PPRC1: variants seen among roughly 807,000 people sequenced by gnomAD.
The protein encoded by PPRC1 is PPARG related coactivator 1.
PPRC1 carries 23 observed loss-of-function variants against 132.5 expected under a neutral mutation model. The observed-to-expected ratio is 0.17, with a 90% CI of 0.12 to 0.25. The LOEUF (loss-of-function observed/expected upper bound fraction) is 0.25, where lower values mean the gene tolerates loss of function less well. Among genes scored for constraint, PPRC1 ranks in the 10% least tolerant of loss-of-function variants. The pLI, the probability that PPRC1 is intolerant of heterozygous loss-of-function variation, is 1.00. For missense variants in PPRC1, 2,006 were observed against 2,089.1 expected, an observed-to-expected ratio of 0.96 and a Z score of 0.78; for synonymous variants, 872 against 833.5, an observed-to-expected ratio of 1.05 and a Z score of -0.80.
chr10:102,137,706 C>T, intron 1 of PPRC1, 144 bp from the exon 2 acceptor site: 1 of 719,538 alleles, frequency 1.4e-6, no homozygotes, highest in Non-Finnish European at 2.2e-6. Flanking sequence ...TTGTGCTTCT[C>T]TCTGCTCTGC....
intron 6 of PPRC1, 29 bp downstream of exon 6, chr10:102,143,127 ACT>A: frequency 1.2e-6 from 2 of 1,600,084 alleles, no homozygotes; most frequent in Non-Finnish European, 1.7e-6. Flanking sequence ...TTTTGCTCCA[ACT>A]CTTTTTTTGG....
At chr10:102,133,656 G>A (rs188952725) in intron 1 of PPRC1, among the ~76,000 whole-genome samples, 48 of 152,020 alleles carry the variant, frequency 3.2e-4, no homozygotes, top group Admixed American at 7.9e-4. Flanking sequence ...CGTGGGTCGG[G>A]CTCCTGGTGG....
the PPRC1 span, chr10:102,120,334 G>T: frequency 3.0e-6 from 3 of 984,626 alleles, no homozygotes; most frequent in Non-Finnish European, 3.6e-6. Context: ...CGGCCTCTGC[G>T]TGTGTGCGCG....
At chr10:102,142,207 A>G (rs563182829) in intron 5 of PPRC1, among the ~76,000 whole-genome samples, 2 of 150,926 alleles carry the variant, frequency 1.3e-5, no homozygotes, top group South Asian at 2.1e-4. Context: ...GGTTCAAGCA[A>G]TTCTCCTGCC....
At chr10:102,122,586 T>C in the PPRC1 span, among the ~76,000 whole-genome samples, 1 of 151,880 alleles carries the variant, frequency 6.6e-6, no homozygotes, top group Non-Finnish European at 1.5e-5. Context: ...CTCTTTTCTG[T>C]CCATGAATTT....
chr10:102,126,887 A>G, the PPRC1 span, among the ~76,000 whole-genome samples: 15 of 151,892 alleles, frequency 9.9e-5, no homozygotes, highest in African/African-American at 3.6e-4. Context: ...TACAAACATC[A>G]GTCATTTTTC....
the PPRC1 span, among the ~76,000 whole-genome samples, chr10:102,125,647 G>C: frequency 6.6e-6 from 1 of 152,046 alleles, no homozygotes; most frequent in Admixed American, 6.6e-5. Context: ...GATTAGGAAA[G>C]GGGAAGGGAA....
chr10:102,124,071 CTTTTTTT>C, the PPRC1 span, among the ~76,000 whole-genome samples: 22 of 140,738 alleles, frequency 1.6e-4, no homozygotes. Context: ...AAACTTTATT[CTTTTTTT>C]TTTTTAGACA....
At chr10:102,123,833 CTTTTTTTTTTTTT>C in the PPRC1 span, among the ~76,000 whole-genome samples, 8 of 68,294 alleles carry the variant, frequency 1.2e-4, no homozygotes, top group African/African-American at 2.2e-4. Flanking sequence ...CACGCCCGGC[CTTTTTTTTTTTTT>C]TTTTTTTTTT....
intron 1 of PPRC1, among the ~76,000 whole-genome samples, chr10:102,137,033 T>G (rs1365198310): frequency 1.3e-5 from 2 of 152,232 alleles, no homozygotes; most frequent in Non-Finnish European, 2.9e-5. Flanking sequence ...AGTGTCTCAC[T>G]GTTGGGCCTT....
At position 102,146,908 on chromosome 10, in the gene PPRC1, C is replaced by A. The variant is rs778611512; in HGVS notation, c.3916C>A (p.Pro1306Thr). Residue 1306 changes from proline to threonine, a missense_variant, in exon 9 of 14, where the codon CCA becomes ACA. Pro to Thr is a conservative substitution (Grantham distance 38). This residue lies in a region of PPRC1 where 1,914 missense variants were observed against 1,917.2 expected (regional missense o/e 1.00). Coordinates refer to ENST00000278070, the MANE Select transcript of PPRC1 (RefSeq NM_015062.5). ...CTATTGTGTCCGGAGCAGGACCCCC[C>A]CAAAAAAGATGCCTGCCCTAGTCAT... ...HDYCVRSRTPPKKMPALVIPE... is the reference protein window; with the variant it reads ...HDYCVRSRTPTKKMPALVIPE... The A allele has an allele frequency of 4.3e-6, 7 of 1,614,008 alleles. No homozygotes were observed. The highest frequency in any genetic ancestry group is 2.7e-5 in the African/African-American group (2 of 74,992).
At position 102,140,166 on chromosome 10, in the gene PPRC1, G is replaced by A; in HGVS notation, c.1658G>A (p.Gly553Asp). 2 of 1,614,166 alleles carry A rather than the reference G, an allele frequency of 1.2e-6. No homozygotes were observed. The highest frequency in any genetic ancestry group is 1.7e-6 in the Non-Finnish European group (2 of 1,180,026). The change falls in exon 5 of 14, where the codon GGC (glycine) becomes GAC (aspartate). Residue 553 changes from glycine (G) to aspartate (D), a missense_variant. Physicochemically the swap from Gly to Asp is moderately conservative, Grantham distance 94. Coordinates refer to ENST00000278070, the MANE Select transcript of PPRC1 (RefSeq NM_015062.5). ...SAGQSSPAKE[G>D]PLDLYPKLAD... ...GGACAAAGTAGTCCTGCTAAAGAAG[G>A]CCCTCTAGACCTCTACCCAAAGCTG...
At chr10:102,120,203 G>A in the PPRC1 span, 2 of 1,035,882 alleles carry the variant, frequency 1.9e-6, no homozygotes, top group Non-Finnish European at 1.2e-6. Flanking sequence ...GCCGCCCGCG[G>A]CCCCCGCTGC....
the PPRC1 span, among the ~76,000 whole-genome samples, chr10:102,122,604 T>A: frequency 6.6e-6 from 1 of 151,944 alleles, no homozygotes; most frequent in Admixed American, 6.6e-5. Context: ...TTTGCCTTCC[T>A]CCAATCCTGT....
At chr10:102,146,635 C>A in intron 8 of PPRC1, 37 bp from the exon 9 acceptor site, 1 of 1,566,982 alleles carries the variant, frequency 6.4e-7, no homozygotes, top group Non-Finnish European at 8.6e-7. Context: ...AGAATCGGAT[C>A]TCATCCTGCT....
At chr10:102,132,954 C>T, upstream of PPRC1, 1 of 1,223,234 alleles carries the variant, frequency 8.2e-7, no homozygotes, top group Non-Finnish European at 1.0e-6. Context: ...CGCCGCACGG[C>T]TCTCTGGGAT....
Position 102,142,075 on chromosome 10 carries a change from C to G in PPRC1, c.3496+71C>G, listed in dbSNP as rs1393674913. On this transcript the variant is annotated intron_variant, in intron 5 of 13. Transcript: ENST00000278070. Reference sequence around the variant, plus strand: ...GGACTCTAGAATAGGATAAGCCACCCTGATGAGGCTGGCCTTTGTTGGATT... The same window carrying G: ...GGACTCTAGAATAGGATAAGCCACCGTGATGAGGCTGGCCTTTGTTGGATT... The G allele has an allele frequency of 3.4e-6, 5 of 1,479,202 alleles. No individual in the cohort carries two copies. The Admixed American group carries it at 1.1e-4, about 33-fold the overall frequency. The allele number at this position is 1,479,202 out of a possible 1,614,324, so 91.6% of individuals were successfully genotyped here. A position where few individuals can be genotyped will look rare whatever the true frequency, so the allele number is the denominator to read the frequency against.
In PPRC1 at chr10:102,148,316, A is replaced by G; in HGVS notation, c.4401-56A>G. ...GGCAGGACTGGGGCCTGGGTGAGAT[A>G]AGCAGAGTATACCTGAACCACTCCC... is the stretch of plus-strand genomic sequence containing the variant. On this transcript the variant is annotated intron_variant, in intron 9 of 13. Coordinates refer to ENST00000278070, the MANE Select transcript of PPRC1 (RefSeq NM_015062.5). This position sits in a 1 kb window ranked among gnomAD's most constrained non-coding sequence, Gnocchi z 4.2. 3 of 1,580,268 alleles carry G rather than the reference A, an allele frequency of 1.9e-6. No homozygotes were observed. Among genetic ancestry groups the G allele is most frequent in the Non-Finnish European group, 2.6e-6 (3 of 1,160,760 alleles).
Position 102,146,956 on chromosome 10 carries a change from A to C in PPRC1, c.3964A>C (p.Asn1322His), listed in dbSNP as rs931911250. ...LVIPEVGSRWNVKRHQDITIK... is the reference protein window; with the variant it reads ...LVIPEVGSRWHVKRHQDITIK... ...CATTCCAGAGGTGGGCTCCCGATGG[A>C]ATGTCAAGCGCCATCAGGACATCAC... The change falls in exon 9 of 14, where the codon AAT (asparagine) becomes CAT (histidine). Residue 1322 changes from asparagine to histidine, a missense_variant. Coordinates refer to ENST00000278070, the MANE Select transcript of PPRC1 (RefSeq NM_015062.5). The C allele has an allele frequency of 4.3e-6, 7 of 1,614,078 alleles. No individual in the cohort carries two copies. Among genetic ancestry groups the C allele is most frequent in the Non-Finnish European group, 5.9e-6 (7 of 1,179,980 alleles).
Sources: allele counts gnomAD v4.1 joint callset (sites outside exome capture counted in the v4.1 genomes callset), GRCh38; gene constraint gnomAD v4.1.1; regional missense constraint gnomAD v4.1.1; non-coding constraint Gnocchi (gnomAD v3.1); transcripts MANE v1.5; gene names NCBI Gene and HGNC (gene_info 2026-07-23, HGNC 2026-07-21).